The following SH3BP5 variants were observed in gnomAD, a reference collection of about 807,000 sequenced individuals.
The protein encoded by SH3BP5 is SH3 domain-binding protein 5.
Under a neutral mutation model 43.3 loss-of-function variants are expected in SH3BP5, and 22 were observed. That is an observed-to-expected ratio of 0.51 (90% CI 0.36 to 0.73). The LOEUF (loss-of-function observed/expected upper bound fraction) is 0.73. Ranked by LOEUF, SH3BP5 falls within the 30% of genes least tolerant of loss-of-function variation. The pLI is 0.00. For missense variants in SH3BP5, 529 were observed against 586.9 expected (o/e 0.90, Z 1.02); for synonymous variants, 255 against 225.8 (o/e 1.13, Z -1.16).
intron 2 of SH3BP5, among the ~76,000 whole-genome samples, chr3:15,325,592 T>C (rs1559460238): frequency 6.6e-6 from 1 of 152,232 alleles, no homozygotes; most frequent in Non-Finnish European, 1.5e-5. Flanking sequence ...TTTTAACTTT[T>C]TATTGCGTTT....
chr3:15,317,845 CCT>C (rs1698222173), intron 2 of SH3BP5, among the ~76,000 whole-genome samples: 1 of 152,136 alleles, frequency 6.6e-6, no homozygotes, highest in Admixed American at 6.5e-5. Context: ...AGATAAAGAT[CCT>C]CTCCCAAGGA....
rs989177030 is a variant in SH3BP5, at chr3:15,259,458, C to T, written c.669+303G>A. The T allele has an allele frequency of 8.0e-5, 43 of 536,564 alleles. 1 individual carries two copies. The highest frequency in any genetic ancestry group is 1.3e-4 in the Non-Finnish European group (38 of 298,566). 33.2% of individuals were successfully genotyped at this position (536,564 alleles called of 1,614,324 possible). A position where few individuals can be genotyped will look rare whatever the true frequency, so the allele number is the denominator to read the frequency against. The stretch of plus-strand genomic sequence containing the variant: ...CCAACCTCAGAGTTTCTAATTCAGT[C>T]GGTCTAGAGTGGGACCTGGTCTATC... On this transcript the variant is annotated intron_variant, in intron 6 of 8. Transcript: ENST00000383791.
intron 2 of SH3BP5, 73 bp downstream of exon 2, chr3:15,330,431 G>T (rs149825084): frequency 0.011 from 14,787 of 1,292,670 alleles, 107 homozygotes; most frequent in Non-Finnish European, 0.015. Flanking sequence ...CAGCTATGAA[G>T]ACAAAATTAA....
chr3:15,324,656 C>T (rs1241557293), intron 2 of SH3BP5, among the ~76,000 whole-genome samples: 1 of 152,160 alleles, frequency 6.6e-6, no homozygotes, highest in East Asian at 1.9e-4. Context: ...TCTTACAGGA[C>T]CTAGTCCCTA....
Position 15,332,441 on chromosome 3 carries a change from C to CT in SH3BP5, c.-34dup. ...GCCGGCACGCGCGCCGCGCAGTGGGCTCCGGAGCGCCCCGGGGGTCGCGGC... is the reference window on the plus strand; with the variant it reads ...GCCGGCACGCGCGCCGCGCAGTGGGCTTCCGGAGCGCCCCGGGGGTCGCGGC... On this transcript the variant is annotated 5_prime_UTR_variant, in exon 1 of 9. Transcript: ENST00000383791. The CT allele has an allele frequency of 7.3e-6, 11 of 1,506,062 alleles. No homozygotes were observed. Among genetic ancestry groups the CT allele is most frequent in the Non-Finnish European group, 9.7e-6 (11 of 1,133,056 alleles). The allele number at this position is 1,506,062 out of a possible 1,614,324, so 93.3% of individuals were successfully genotyped here.
At chr3:15,286,299 T>G (rs1697263954) in intron 3 of SH3BP5, among the ~76,000 whole-genome samples, 1 of 152,106 alleles carries the variant, frequency 6.6e-6, no homozygotes, top group South Asian at 2.1e-4. Context: ...CACAAACTGG[T>G]GTGGCAGGGG....
At chr3:15,261,278 GT>G (rs1416073361) in intron 5 of SH3BP5, among the ~76,000 whole-genome samples, 1 of 152,252 alleles carries the variant, frequency 6.6e-6, no homozygotes, top group Non-Finnish European at 1.5e-5. Context: ...ACATATGTAT[GT>G]TGGAAGAGTG....
At position 15,262,307 on chromosome 3, in the gene SH3BP5, G is replaced by A. The variant is rs752009470; in HGVS notation, c.496-18C>T. Reference sequence around the variant, plus strand: ...TCCATGACCTTAAAATGACAGCAGAGTTCAGCCCAGTCCAGCCCAGAACAG... The same window carrying A: ...TCCATGACCTTAAAATGACAGCAGAATTCAGCCCAGTCCAGCCCAGAACAG... On this transcript the variant is annotated intron_variant, in intron 4 of 8. Coordinates refer to ENST00000383791, the MANE Select transcript of SH3BP5 (RefSeq NM_004844.5). The A allele has an allele frequency of 6.2e-7, 1 of 1,613,730 alleles. No individual in the cohort carries two copies. Among genetic ancestry groups the A allele is most frequent in the South Asian group, 1.1e-5 (1 of 91,070 alleles).
At chr3:15,271,141 G>A (rs1487398864) in intron 3 of SH3BP5, among the ~76,000 whole-genome samples, 1 of 151,874 alleles carries the variant, frequency 6.6e-6, no homozygotes, top group Non-Finnish European at 1.5e-5. Flanking sequence ...ACTTTGGGGG[G>A]CCAAGGCAGG....
chr3:15,296,555 GAAGAA>G (rs888170067), intron 3 of SH3BP5, among the ~76,000 whole-genome samples: 8 of 152,036 alleles, frequency 5.3e-5, no homozygotes, highest in African/African-American at 1.9e-4. Flanking sequence ...AATAGCTACC[GAAGAA>G]AAGAAAATAA....
Position 15,260,804 on chromosome 3 carries a change from G to C in SH3BP5, c.627-1001C>G, listed in dbSNP as rs3773473. ...TGGAAGCCACTCTGTGGAATGCACA[G>C]ATGTACATTTTAACCTTTGGGCAGA... On this transcript the variant is annotated intron_variant, in intron 5 of 8. Coordinates refer to ENST00000383791, the MANE Select transcript of SH3BP5 (RefSeq NM_004844.5). 7.9e-4 allele frequency among the ~76,000 whole-genome samples: 121 copies of C among 152,280 alleles called. No individual in the cohort carries two copies. The East Asian group carries it at 0.02, about 25-fold the overall frequency.
intron 3 of SH3BP5, among the ~76,000 whole-genome samples, chr3:15,288,390 C>T (rs1697322350): frequency 6.6e-6 from 1 of 152,210 alleles, no homozygotes; most frequent in Non-Finnish European, 1.5e-5. Context: ...CAGTAGAACT[C>T]ACTTTGGTAA....
chr3:15,310,676 G>T (rs1045335633), intron 2 of SH3BP5, among the ~76,000 whole-genome samples: 4 of 152,158 alleles, frequency 2.6e-5, no homozygotes, highest in Non-Finnish European at 5.9e-5. Flanking sequence ...TGTTTACCAA[G>T]GGAGTTTTTA....
chr3:15,257,184 G>C, intron 7 of SH3BP5, 71 bp from the exon 8 acceptor site: 3 of 1,516,740 alleles, frequency 2.0e-6, no homozygotes, highest in Admixed American at 3.5e-5. Context: ...CTTGCTGCTG[G>C]CAGGCAGCTA....
In SH3BP5 at chr3:15,304,083, C is replaced by T. The variant is rs878926369; in HGVS notation, c.330+20G>A. On this transcript the variant is annotated intron_variant, in intron 3 of 8. Transcript: ENST00000383791. The stretch of plus-strand genomic sequence containing the variant: ...GTAGTGAGGCTCGAGGTAGGGGAGA[C>T]ATCTATGGGGCTATCTTACCTGCCT... 3.7e-6 allele frequency: 6 copies of T among 1,606,316 alleles called. No individual in the cohort carries two copies. The South Asian group carries it at 5.5e-5, about 15-fold the overall frequency.
At chr3:15,309,342 T>G in intron 2 of SH3BP5, among the ~76,000 whole-genome samples, 1 of 152,004 alleles carries the variant, frequency 6.6e-6, no homozygotes, top group East Asian at 1.9e-4. Flanking sequence ...TGTTTTCACT[T>G]GATCTTAGCC....
At chr3:15,305,774 CA>C (rs1697885794) in intron 2 of SH3BP5, among the ~76,000 whole-genome samples, 3 of 152,212 alleles carry the variant, frequency 2.0e-5, no homozygotes, top group African/African-American at 7.2e-5. Flanking sequence ...TAAGGGTGGC[CA>C]TCCATCCTGG....
At chr3:15,286,130 A>T (rs1697258917) in intron 3 of SH3BP5, among the ~76,000 whole-genome samples, 1 of 152,352 alleles carries the variant, frequency 6.6e-6, no homozygotes, top group East Asian at 1.9e-4. Context: ...AGGCTATCAG[A>T]AACAGCATCA....
intron 2 of SH3BP5, 151 bp from the exon 3 acceptor site, chr3:15,304,382 C>G (rs1302455465): frequency 4.1e-6 from 5 of 1,229,974 alleles, no homozygotes; most frequent in Non-Finnish European, 5.8e-6. Context: ...TCTAGAGCAG[C>G]ACCGCCCAAA....
Sources: allele counts gnomAD v4.1 joint callset (sites outside exome capture counted in the v4.1 genomes callset), GRCh38; gene constraint gnomAD v4.1.1; transcripts MANE v1.5; gene names NCBI Gene and HGNC (gene_info 2026-07-23, HGNC 2026-07-21).